The following SNRNP40 variants were observed in gnomAD, a reference collection of about 807,000 sequenced individuals.
SNRNP40 encodes U5 small nuclear ribonucleoprotein 40 kDa protein.
Under a neutral mutation model 45.8 loss-of-function variants are expected in SNRNP40, and 21 were observed. The ratio of observed to expected loss-of-function variants is 0.46; its 90% CI spans 0.32 to 0.66. The LOEUF (loss-of-function observed/expected upper bound fraction) is 0.66, where lower values mean the gene tolerates loss of function less well. Among genes scored for constraint, SNRNP40 ranks in the 30% least tolerant of loss-of-function variants. The probability of loss-of-function intolerance (pLI) is 0.03; values close to 1 mark genes in which losing one functional copy is unlikely to be tolerated. For missense variants in SNRNP40, 344 were observed against 439.1 expected, an observed-to-expected ratio of 0.78 and a Z score of 1.94; for synonymous variants, 142 against 163.8, an observed-to-expected ratio of 0.87 and a Z score of 1.01.
intron 4 of SNRNP40, among the ~76,000 whole-genome samples, chr1:31,285,129 T>C (rs1376686499): frequency 6.6e-6 from 1 of 152,208 alleles, no homozygotes; most frequent in Admixed American, 6.5e-5. Context: ...CCACTTTTAA[T>C]AATTATTTTA....
chr1:31,261,208 GGGCAT>G, intron 9 of SNRNP40: 2 of 358,240 alleles, frequency 5.6e-6, no homozygotes, highest in Non-Finnish European at 1.0e-5. Flanking sequence ...AAAATTAGCT[GGGCAT>G]GGTGGTGGGT....
At position 31,290,673 on chromosome 1, in the gene SNRNP40, C is replaced by T. The variant is rs549294004; in HGVS notation, c.365+1240G>A. 1.3e-4 allele frequency among the ~76,000 whole-genome samples: 19 copies of T among 151,786 alleles called. No homozygotes were observed. In the South Asian group the frequency reaches 1.7e-3, roughly 13 times the overall value. On this transcript the variant is annotated intron_variant, in intron 3 of 9. Coordinates refer to ENST00000263694, the MANE Select transcript of SNRNP40 (RefSeq NM_004814.3). ...CGGGCGGATCACAAGGTCAGGAGATCGAGACCATCCTGGCTAACACGGTGA... is the reference window on the plus strand; with the variant it reads ...CGGGCGGATCACAAGGTCAGGAGATTGAGACCATCCTGGCTAACACGGTGA...
At chr1:31,272,615 T>G (rs1056211905) in intron 5 of SNRNP40, among the ~76,000 whole-genome samples, 1 of 152,222 alleles carries the variant, frequency 6.6e-6, no homozygotes, top group African/African-American at 2.4e-5. Context: ...TTCTTACGGC[T>G]GTTGTAAGGA....
At chr1:31,276,403 T>C (rs1191362574) in intron 5 of SNRNP40, among the ~76,000 whole-genome samples, 1 of 152,084 alleles carries the variant, frequency 6.6e-6, no homozygotes, top group Non-Finnish European at 1.5e-5. Context: ...AGGAAAATGA[T>C]TCTAACTACA....
chr1:31,294,593 G>A (rs1293677751), intron 1 of SNRNP40, among the ~76,000 whole-genome samples: 1 of 151,706 alleles, frequency 6.6e-6, no homozygotes, highest in African/African-American at 2.4e-5. Flanking sequence ...CCGAGTGGCT[G>A]GGATTACAGG....
intron 7 of SNRNP40, among the ~76,000 whole-genome samples, chr1:31,268,609 A>G (rs1645915649): frequency 6.6e-6 from 1 of 152,136 alleles, no homozygotes; most frequent in East Asian, 1.9e-4. Flanking sequence ...CTGAATCTCA[A>G]TGAGCTCTCA....
chr1:31,288,166 GAA>G (rs112153143), intron 4 of SNRNP40, among the ~76,000 whole-genome samples: 21 of 120,474 alleles, frequency 1.7e-4, no homozygotes, highest in South Asian at 5.1e-4. Context: ...CTGTCTCAAA[GAA>G]AAAAAAAAAA....
At chr1:31,265,108 C>A (rs1645886966) in intron 8 of SNRNP40, among the ~76,000 whole-genome samples, 1 of 147,108 alleles carries the variant, frequency 6.8e-6, no homozygotes, top group Admixed American at 7.0e-5. Flanking sequence ...TTTCCTCATA[C>A]CACGCTTTCA....
intron 5 of SNRNP40, among the ~76,000 whole-genome samples, chr1:31,279,803 C>T (rs1047108344): frequency 1.5e-4 from 22 of 151,630 alleles, no homozygotes; most frequent in East Asian, 5.9e-4. Context: ...GATTGAAACC[C>T]TCACATTTAA....
At chr1:31,277,414 T>G (rs1645983275) in intron 5 of SNRNP40, among the ~76,000 whole-genome samples, 1 of 152,250 alleles carries the variant, frequency 6.6e-6, no homozygotes, top group Non-Finnish European at 1.5e-5. Context: ...CTATTTTAAT[T>G]GTAATTAATT....
intron 4 of SNRNP40, among the ~76,000 whole-genome samples, chr1:31,285,862 G>A (rs1646053934): frequency 6.6e-6 from 1 of 152,070 alleles, no homozygotes; most frequent in Non-Finnish European, 1.5e-5. Flanking sequence ...TACATCTTTG[G>A]TAGGAATATC....
At chr1:31,261,415 G>T in intron 9 of SNRNP40, 114 bp downstream of exon 9, 2 of 679,036 alleles carry the variant, frequency 2.9e-6, no homozygotes, top group South Asian at 1.8e-5. Flanking sequence ...AACACCCAAA[G>T]GCTGTTTGCA....
chr1:31,263,666 G>A lies in SNRNP40; in HGVS notation c.921-2034C>T, dbSNP rs943882143. 2.5e-5 allele frequency: 11 copies of A among 447,772 alleles called. 1 individual carries two copies. Among genetic ancestry groups the A allele is most frequent in the African/African-American group, 1.5e-4 (7 of 47,020 alleles). 27.7% of individuals were successfully genotyped at this position (447,772 alleles called of 1,614,324 possible). A position where few individuals can be genotyped will look rare whatever the true frequency, so the allele number is the denominator to read the frequency against. ...GACTGTGTCCCAAAGTAGTACTTCTGTATAACTGATATGATATGGCTTAGG... is the reference window on the plus strand; with the variant it reads ...GACTGTGTCCCAAAGTAGTACTTCTATATAACTGATATGATATGGCTTAGG... On this transcript the variant is annotated intron_variant, in intron 8 of 9. Transcript: ENST00000263694.
chr1:31,291,812 T>G, intron 3 of SNRNP40, 101 bp downstream of exon 3: 2 of 785,378 alleles, frequency 2.5e-6, no homozygotes, highest in Middle Eastern at 3.6e-4. Context: ...TACCCAAAAT[T>G]AGTAGTTTTT....
chr1:31,260,987 G>A, intron 9 of SNRNP40: 4 of 1,220,222 alleles, frequency 3.3e-6, no homozygotes, highest in Non-Finnish European at 4.2e-6. Flanking sequence ...AGAAAATGGA[G>A]CATTGCTCTT....
chr1:31,275,090 G>A (rs111706007), intron 5 of SNRNP40, among the ~76,000 whole-genome samples: 2 of 152,068 alleles, frequency 1.3e-5, no homozygotes, highest in African/African-American at 4.8e-5. Flanking sequence ...ACAAGACAGA[G>A]TGGCAAGACT....
At chr1:31,262,521 CAAAA>C (rs57503418) in intron 8 of SNRNP40, among the ~76,000 whole-genome samples, 2 of 40,618 alleles carry the variant, frequency 4.9e-5, no homozygotes, top group Admixed American at 3.5e-4. Context: ...ACTCCATCTC[CAAAA>C]AAAAAAAAAA....
At chr1:31,269,393 G>A in intron 6 of SNRNP40, 153 bp from the exon 7 acceptor site, 1 of 1,401,296 alleles carries the variant, frequency 7.1e-7, no homozygotes, top group South Asian at 1.7e-5. Context: ...TACCTGTTAA[G>A]GCTCTTTTCT....
At chr1:31,280,591 G>A (rs1164328332) in intron 5 of SNRNP40, among the ~76,000 whole-genome samples, 1 of 152,174 alleles carries the variant, frequency 6.6e-6, no homozygotes, top group Non-Finnish European at 1.5e-5. Flanking sequence ...CTATAAAGCA[G>A]AAGGTAAGGT....
Sources: gnomAD v4.1 joint callset for allele counts (sites outside exome capture counted in the v4.1 genomes callset) on GRCh38, gnomAD v4.1.1 for gene constraint, MANE v1.5 for transcripts, NCBI Gene and HGNC (gene_info 2026-07-23, HGNC 2026-07-21) for gene names.